Variants in RSRC1 observed in about 807,000 individuals in gnomAD.
RSRC1 encodes the protein serine/Arginine-related protein 53.
A neutral mutation model predicts 49.1 loss-of-function variants in RSRC1; 39 were observed. The observed-to-expected ratio is 0.79, with a 90% CI of 0.61 to 1.04. The LOEUF is 1.04. Among genes scored for constraint, RSRC1 ranks in the 50% least tolerant of loss-of-function variants. The pLI is 0.00. For missense variants in RSRC1, 388 were observed against 402.4 expected (o/e 0.96, Z 0.31); for synonymous variants, 143 against 130.8 (o/e 1.09, Z -0.63).
At chr3:158,310,294 T>C (rs1450487853) in intron 5 of RSRC1, among the ~76,000 whole-genome samples, 1 of 151,712 alleles carries the variant, frequency 6.6e-6, no homozygotes, top group Non-Finnish European at 1.5e-5. Context: ...TGCTATCTTA[T>C]TGAGGTGAAG....
chr3:158,280,701 C>T (rs1159817535), intron 4 of RSRC1, among the ~76,000 whole-genome samples: 2 of 128,174 alleles, frequency 1.6e-5, no homozygotes, highest in Non-Finnish European at 3.1e-5. Context: ...GGCTGGAGTG[C>T]AGTGGCGTGA....
At chr3:158,418,457 T>A (rs1045089705) in intron 6 of RSRC1, among the ~76,000 whole-genome samples, 14 of 151,998 alleles carry the variant, frequency 9.2e-5, no homozygotes, top group Admixed American at 7.2e-4. Flanking sequence ...TTCAGTCTTA[T>A]ATACTCTTAG....
chr3:158,116,540 T>C (rs1022878841), intron 1 of RSRC1, among the ~76,000 whole-genome samples: 3 of 152,176 alleles, frequency 2.0e-5, no homozygotes, highest in Admixed American at 6.5e-5. Context: ...TGCTTTTTTT[T>C]TTAAACTGTG....
intron 6 of RSRC1, among the ~76,000 whole-genome samples, chr3:158,387,540 T>C (rs1474608597): frequency 2.6e-5 from 4 of 152,158 alleles, no homozygotes; most frequent in Non-Finnish European, 5.9e-5. Context: ...ACCAAATTCA[T>C]TGGTCATCTA....
At chr3:158,377,061 A>G (rs1021956697) in intron 6 of RSRC1, among the ~76,000 whole-genome samples, 1 of 152,072 alleles carries the variant, frequency 6.6e-6, no homozygotes, top group Non-Finnish European at 1.5e-5. Flanking sequence ...CTTTTTTCTG[A>G]TGAAAAGTTT....
At chr3:158,236,156 T>C (rs1306890978) in intron 4 of RSRC1, among the ~76,000 whole-genome samples, 2 of 151,882 alleles carry the variant, frequency 1.3e-5, no homozygotes, top group Non-Finnish European at 2.9e-5. Context: ...CCCAGAGTTA[T>C]CTGTGATGTA....
intron 4 of RSRC1, among the ~76,000 whole-genome samples, chr3:158,238,999 A>G (rs1199723929): frequency 6.6e-6 from 1 of 152,204 alleles, no homozygotes; most frequent in Non-Finnish European, 1.5e-5. Context: ...AGAATCTACA[A>G]AGCACATAAA....
intron 4 of RSRC1, among the ~76,000 whole-genome samples, chr3:158,262,180 T>A (rs1351645225): frequency 6.6e-6 from 1 of 152,208 alleles, no homozygotes; most frequent in Non-Finnish European, 1.5e-5. Context: ...ATGTGTTTCG[T>A]GTTGATCTAA....
chr3:158,155,872 A>C (rs1717844637), intron 3 of RSRC1, among the ~76,000 whole-genome samples: 1 of 152,206 alleles, frequency 6.6e-6, no homozygotes, highest in Non-Finnish European at 1.5e-5. Context: ...GAGCACAGGC[A>C]GAGTAGATTT....
intron 3 of RSRC1, among the ~76,000 whole-genome samples, chr3:158,169,829 C>T (rs1718770293): frequency 6.6e-6 from 1 of 152,064 alleles, no homozygotes; most frequent in Admixed American, 6.6e-5. Context: ...ACTACAGTGG[C>T]TACATAAAAT....
chr3:158,265,491 C>T (rs184723799), intron 4 of RSRC1, among the ~76,000 whole-genome samples: 2 of 152,034 alleles, frequency 1.3e-5, no homozygotes, highest in South Asian at 2.1e-4. Context: ...ATTAGCCGGG[C>T]GTGGTAACGG....
At chr3:158,152,862 T>C (rs931502241) in intron 3 of RSRC1, among the ~76,000 whole-genome samples, 1 of 152,246 alleles carries the variant, frequency 6.6e-6, no homozygotes, top group African/African-American at 2.4e-5. Flanking sequence ...ATTTGATTAT[T>C]GTACATGTTT....
chr3:158,474,952 G>A (rs1738303623), intron 7 of RSRC1, among the ~76,000 whole-genome samples: 1 of 152,056 alleles, frequency 6.6e-6, no homozygotes, highest in East Asian at 1.9e-4. Context: ...GTCTTGCTTA[G>A]TTGCCCAGCT....
At chr3:158,338,526 G>A (rs946485553) in intron 5 of RSRC1, among the ~76,000 whole-genome samples, 1 of 152,144 alleles carries the variant, frequency 6.6e-6, no homozygotes, top group African/African-American at 2.4e-5. Flanking sequence ...AAAGGAAACT[G>A]CACAGTACCT....
At chr3:158,168,589 A>T (rs775847384) in intron 3 of RSRC1, among the ~76,000 whole-genome samples, 4 of 152,144 alleles carry the variant, frequency 2.6e-5, no homozygotes, top group Non-Finnish European at 4.4e-5. Flanking sequence ...AGTTTTTGTT[A>T]TAAATTCTAT....
chr3:158,440,393 T>G (rs1043265112), intron 6 of RSRC1, among the ~76,000 whole-genome samples: 1 of 152,036 alleles, frequency 6.6e-6, no homozygotes, highest in African/African-American at 2.4e-5. Context: ...AGTCAATACC[T>G]CTGAGAAAAG....
chr3:158,419,606 A>G (rs978591791), intron 6 of RSRC1, among the ~76,000 whole-genome samples: 9 of 151,922 alleles, frequency 5.9e-5, no homozygotes, highest in African/African-American at 2.2e-4. Context: ...TTTTTATTTT[A>G]TTGAAGATTT....
At chr3:158,324,504 T>C (rs1354788780) in intron 5 of RSRC1, among the ~76,000 whole-genome samples, 1 of 152,152 alleles carries the variant, frequency 6.6e-6, no homozygotes, top group Non-Finnish European at 1.5e-5. Flanking sequence ...GTTCTTGAGA[T>C]AGTTTGCTGA....
chr3:158,113,616 C>A (rs996401996), intron 1 of RSRC1, among the ~76,000 whole-genome samples: 3 of 152,132 alleles, frequency 2.0e-5, no homozygotes, highest in Non-Finnish European at 4.4e-5. Flanking sequence ...ATCCACCCCC[C>A]TCAGCCTCCC....
Sources: allele counts gnomAD v4.1 joint callset (sites outside exome capture counted in the v4.1 genomes callset), GRCh38; gene constraint gnomAD v4.1.1; transcripts MANE v1.5; gene names NCBI Gene and HGNC (gene_info 2026-07-23, HGNC 2026-07-21).